Variants in HEATR1 observed in about 807,000 individuals in gnomAD.
The protein encoded by HEATR1 is HEAT repeat containing 1.
In HEATR1, 77 loss-of-function variants were observed where a neutral mutation model predicts 248.2. The ratio of observed to expected loss-of-function variants is 0.31; its 90% confidence interval spans 0.26 to 0.37. The LOEUF (loss-of-function observed/expected upper bound fraction) is 0.37. Among genes scored for constraint, HEATR1 ranks in the 10% least tolerant of loss-of-function variants. HEATR1 has a pLI of 1.00. For missense variants in HEATR1, 2,420 were observed against 2,504.9 expected, an observed-to-expected ratio of 0.97 and a Z score of 0.72; for synonymous variants, 897 against 923.1, an observed-to-expected ratio of 0.97 and a Z score of 0.51.
At chr1:236,576,683 A>G in intron 21 of HEATR1, 97 bp downstream of exon 21, 6 of 1,164,368 alleles carry the variant, frequency 5.2e-6, no homozygotes, top group Non-Finnish European at 7.3e-6. Context: ...GACTTAGTCC[A>G]TCAAAATCCC....
intron 2 of HEATR1, 105 bp from the exon 3 acceptor site, chr1:236,603,481 T>C (rs1004352307): frequency 3.8e-6 from 3 of 795,050 alleles, no homozygotes; most frequent in Admixed American, 2.4e-5. Context: ...CTGAATTCTT[T>C]AAGTACATAT....
At chr1:236,559,644 T>C in intron 34 of HEATR1, 70 bp downstream of exon 34, 1 of 1,489,388 alleles carries the variant, frequency 6.7e-7, no homozygotes, top group Non-Finnish European at 9.0e-7. Context: ...TCTTAAAAAC[T>C]TTACATAATT....
intron 26 of HEATR1, 54 bp from the exon 27 acceptor site, chr1:236,571,740 T>A (rs1663433162): frequency 1.5e-6 from 2 of 1,306,040 alleles, no homozygotes; most frequent in East Asian, 2.3e-5. Context: ...GTACAATTCA[T>A]TGTTACATTA....
chr1:236,574,011 A>G, intron 24 of HEATR1, 191 bp downstream of exon 24: 1 of 424,224 alleles, frequency 2.4e-6, no homozygotes, highest in Non-Finnish European at 4.1e-6. Flanking sequence ...AATACTTCAT[A>G]AAATAAAATA....
chr1:236,602,919 T>C lies in HEATR1; in HGVS notation c.359+241A>G, dbSNP rs1191260990. The C allele has an allele frequency of 2.4e-6, 1 of 424,802 alleles. No individual in the cohort carries two copies. Among genetic ancestry groups the C allele is most frequent in the East Asian group, 3.9e-5 (1 of 25,656 alleles). The allele number at this position is 424,802 out of a possible 1,614,324, so 26.3% of individuals were successfully genotyped here. ...AGCCTGAGTGCCCAGCAAGACTCTA[T>C]CTCAAAAAAAAACTAATGAGGTTAG... On this transcript the variant is annotated intron_variant, in intron 3 of 44. Coordinates refer to ENST00000366582, the MANE Select transcript of HEATR1 (RefSeq NM_018072.6).
chr1:236,564,762 T>C (rs1317851318), intron 31 of HEATR1, 101 bp from the exon 32 acceptor site: 11 of 1,117,568 alleles, frequency 9.8e-6, no homozygotes, highest in Non-Finnish European at 1.4e-5. Flanking sequence ...ATTAACGGGA[T>C]AACATTTTCC....
intron 19 of HEATR1, among the ~76,000 whole-genome samples, chr1:236,582,472 G>A (rs1211394005): frequency 6.7e-6 from 1 of 149,758 alleles, no homozygotes; most frequent in Non-Finnish European, 1.5e-5. Flanking sequence ...GTGTGATCTC[G>A]GCTCACTGCA....
chr1:236,582,635 T>A lies in HEATR1; in HGVS notation c.2562+101A>T. ...CCAGGCTGGTATTGAACTCCTGACCTCAAGTGATCCGCCTGCCTCGGCCTC... is the reference window on the plus strand; with the variant it reads ...CCAGGCTGGTATTGAACTCCTGACCACAAGTGATCCGCCTGCCTCGGCCTC... On this transcript the variant is annotated intron_variant, in intron 19 of 44. Transcript: ENST00000366582. 10 of 1,226,132 alleles carry A rather than the reference T, an allele frequency of 8.2e-6. No homozygotes were observed. In the South Asian group the frequency reaches 1.3e-4, roughly 16 times the overall value. 76.0% of individuals were successfully genotyped at this position (1,226,132 alleles called of 1,614,324 possible).
At chr1:236,596,532 C>A (rs561378642) in intron 6 of HEATR1, among the ~76,000 whole-genome samples, 1 of 152,166 alleles carries the variant, frequency 6.6e-6, no homozygotes, top group East Asian at 1.9e-4. Flanking sequence ...AGGTTGCTTA[C>A]GCCTCAAAGA....
intron 44 of HEATR1, chr1:236,551,319 A>G (rs567594512): frequency 2.1e-5 from 6 of 284,188 alleles, no homozygotes; most frequent in Admixed American, 1.9e-4. Context: ...TGTAGCTTAG[A>G]TAAGCAATGA....
intron 30 of HEATR1, 119 bp from the exon 31 acceptor site, chr1:236,566,164 G>A (rs1054863826): frequency 4.6e-6 from 4 of 869,270 alleles, no homozygotes; most frequent in South Asian, 2.0e-5. Flanking sequence ...TTTAGAGTGG[G>A]TCGAGATCTA....
At chr1:236,578,502 G>C (rs2103139416) in intron 20 of HEATR1, among the ~76,000 whole-genome samples, 1 of 152,310 alleles carries the variant, frequency 6.6e-6, no homozygotes, top group Middle Eastern at 3.4e-3. Flanking sequence ...CTGTCAATCA[G>C]GATTACTGAT....
chr1:236,581,339 G>A lies in HEATR1; in HGVS notation c.2638C>T (p.Pro880Ser), dbSNP rs201241450. The change falls in exon 20 of 45, where the codon CCA (proline) becomes TCA (serine). Residue 880 changes from proline to serine, a missense_variant. Physicochemically the swap from Pro to Ser is moderately conservative, Grantham distance 74. Transcript: ENST00000366582. ...ACTGTTTTCACACTGCAGTTTAGTG[G>A]ATTTGAAAGGCTAGAACCATAGGTC... ...LWTYGSSLSNPLNCSVKTVLQ... is the reference protein window; with the variant it reads ...LWTYGSSLSNSLNCSVKTVLQ... The A allele has an allele frequency of 8.4e-5, 136 of 1,611,316 alleles. No homozygotes were observed. The highest frequency in any genetic ancestry group is 1.1e-4 in the Non-Finnish European group (133 of 1,179,262).
At position 236,554,637 on chromosome 1, in the gene HEATR1, T is replaced by G; in HGVS notation, c.6039A>C (p.Lys2013Asn). 6.2e-7 allele frequency: 1 copy of G among 1,613,094 alleles called. No homozygotes were observed. The highest frequency in any genetic ancestry group is 8.5e-7 in the Non-Finnish European group (1 of 1,179,736). ...GCATCATCAAGGCTTCTGCTCTCTC[T>G]TTACTTATAAAATGCTGGGTATCAA... ...FLFDTQHFIS[K>N]ERAEALMMPL... Residue 2013 changes from lysine (K) to asparagine (N), a missense_variant, in exon 42 of 45, where the codon AAA becomes AAC. By Grantham distance (94) the Lys-to-Asn change is moderately conservative. Transcript: ENST00000366582.
chr1:236,590,903 CA>C lies in HEATR1; in HGVS notation c.1473del (p.Ala492LeufsTer3). The C allele has an allele frequency of 6.6e-7, 1 of 1,521,362 alleles. No homozygotes were observed. The highest frequency in any genetic ancestry group is 1.4e-5 in the South Asian group (1 of 73,870). The allele number at this position is 1,521,362 out of a possible 1,614,324, so 94.2% of individuals were successfully genotyped here. On this transcript the variant is annotated frameshift_variant, in exon 12 of 45. Transcript: ENST00000366582. LOFTEE classifies it high-confidence loss of function. The stretch of plus-strand genomic sequence containing the variant: ...TTCATGGCCAGAATTCTCACAGGAG[CA>C]AGTGGATGATTCAGGCTGAGCATCA... The part of the protein sequence containing the change: ...TSLMLSLNHP[L>X]APVRILAMNH...
chr1:236,579,493 G>A (rs1257951327), intron 20 of HEATR1, among the ~76,000 whole-genome samples: 1 of 152,254 alleles, frequency 6.6e-6, no homozygotes, highest in African/African-American at 2.4e-5. Context: ...AAACCCACAA[G>A]TTTAGCAGAA....
chr1:236,560,478 C>T lies in HEATR1; in HGVS notation c.4647-641G>A, dbSNP rs77951004. Among the ~76,000 whole-genome samples the T allele has an allele frequency of 4.6e-5, 7 of 152,196 alleles. No individual in the cohort carries two copies. The East Asian group carries it at 1.2e-3, about 25-fold the overall frequency. On this transcript the variant is annotated intron_variant, in intron 33 of 44. Coordinates refer to ENST00000366582, the MANE Select transcript of HEATR1 (RefSeq NM_018072.6). ...GAAGAGTGGAGACAGAAGTTGACAC[C>T]GCACAGCAGAGGAGGGGAGAAGGGG... is the stretch of plus-strand genomic sequence containing the variant.
At chr1:236,587,347 C>G in intron 14 of HEATR1, 55 bp downstream of exon 14, 1 of 815,808 alleles carries the variant, frequency 1.2e-6, no homozygotes, top group Non-Finnish European at 1.8e-6. Flanking sequence ...ATAGAAAGAA[C>G]TTGATATAAG....
chr1:236,599,982 T>G (rs1383223604), intron 3 of HEATR1, among the ~76,000 whole-genome samples: 1 of 152,012 alleles, frequency 6.6e-6, no homozygotes. Context: ...AGCCTCAACC[T>G]CCCAGGCTCA....
Sources: allele counts gnomAD v4.1 joint callset (sites outside exome capture counted in the v4.1 genomes callset), GRCh38; gene constraint gnomAD v4.1.1; transcripts MANE v1.5; gene names NCBI Gene and HGNC (gene_info 2026-07-23, HGNC 2026-07-21).